Variants in ITCH observed in about 807,000 individuals in gnomAD.
The protein encoded by ITCH is itchy E3 ubiquitin protein ligase, also known as E3 ubiquitin-protein ligase Itchy homolog.
A neutral mutation model predicts 126.8 loss-of-function variants in ITCH; 28 were observed. The observed-to-expected ratio is 0.22, with a 90% confidence interval of 0.16 to 0.30. The LOEUF is 0.30. Among genes scored for constraint, ITCH ranks in the 10% least tolerant of loss-of-function variants. The probability of loss-of-function intolerance (pLI) is 1.00; values close to 1 mark genes in which losing one functional copy is unlikely to be tolerated. For missense variants in ITCH, 631 were observed against 1,032.4 expected (o/e 0.61, Z 5.33); for synonymous variants, 342 against 340.0 (o/e 1.01, Z -0.06).
chr20:34,381,065 G>C (rs184445867), intron 2 of ITCH, among the ~76,000 whole-genome samples: 2 of 151,932 alleles, frequency 1.3e-5, no homozygotes, highest in Non-Finnish European at 2.9e-5. Flanking sequence ...TGGGATTACC[G>C]GTGTGAGCCA....
chr20:34,392,742 TC>T (rs2038529530), intron 2 of ITCH, among the ~76,000 whole-genome samples: 1 of 152,140 alleles, frequency 6.6e-6, no homozygotes, highest in Non-Finnish European at 1.5e-5. Context: ...GGTAGGGTCT[TC>T]CTCTGTTGCC....
At chr20:34,478,825 G>T (rs1988464812) in intron 17 of ITCH, among the ~76,000 whole-genome samples, 1 of 152,024 alleles carries the variant, frequency 6.6e-6, no homozygotes, top group African/African-American at 2.4e-5. Context: ...ATGTAATTTT[G>T]TATAAGTTAA....
chr20:34,425,055 C>T (rs1057239757), intron 7 of ITCH, among the ~76,000 whole-genome samples: 5 of 152,166 alleles, frequency 3.3e-5, no homozygotes, highest in Non-Finnish European at 4.4e-5. Flanking sequence ...AAAAGGAAGA[C>T]GTAAGAAACT....
intron 7 of ITCH, among the ~76,000 whole-genome samples, chr20:34,427,536 A>G (rs1226595209): frequency 6.6e-6 from 1 of 152,188 alleles, no homozygotes; most frequent in Non-Finnish European, 1.5e-5. Context: ...TGGGAGGATC[A>G]CTTGAGCTGG....
At chr20:34,465,231 T>C (rs965675819) in intron 14 of ITCH, among the ~76,000 whole-genome samples, 17 of 152,182 alleles carry the variant, frequency 1.1e-4, no homozygotes, top group Non-Finnish European at 2.1e-4. Flanking sequence ...ATTTCTGGGC[T>C]GTTTATTCTG....
intron 6 of ITCH, among the ~76,000 whole-genome samples, chr20:34,418,132 A>G (rs1330081011): frequency 6.6e-6 from 1 of 151,386 alleles, no homozygotes; most frequent in African/African-American, 2.4e-5. Context: ...ACACCCAGCT[A>G]ATTTTTGTAT....
intron 7 of ITCH, among the ~76,000 whole-genome samples, chr20:34,434,873 T>G (rs1419108987): frequency 6.6e-6 from 1 of 152,228 alleles, no homozygotes; most frequent in South Asian, 2.1e-4. Context: ...CAATGTTGGC[T>G]TGGTCTCTTT....
chr20:34,444,055 A>G (rs908265658), intron 10 of ITCH, among the ~76,000 whole-genome samples: 3 of 152,186 alleles, frequency 2.0e-5, no homozygotes, highest in African/African-American at 7.2e-5. Context: ...AATTTATCCT[A>G]AAGAAACAAT....
intron 5 of ITCH, among the ~76,000 whole-genome samples, chr20:34,413,420 A>G (rs769091265): frequency 2.2e-4 from 34 of 152,192 alleles, no homozygotes; most frequent in Non-Finnish European, 4.6e-4. Flanking sequence ...TAATTCAGGT[A>G]TATATTACTA....
At chr20:34,378,511 A>G (rs1346855184) in intron 2 of ITCH, among the ~76,000 whole-genome samples, 3 of 151,504 alleles carry the variant, frequency 2.0e-5, no homozygotes, top group Non-Finnish European at 4.4e-5. Flanking sequence ...AAAAAAAAAA[A>G]AGAATATCTG....
At chr20:34,504,852 CAT>C (rs1990518747) in intron 24 of ITCH, among the ~76,000 whole-genome samples, 2 of 152,284 alleles carry the variant, frequency 1.3e-5, no homozygotes, top group African/African-American at 4.8e-5. Context: ...TTAGTGGTCA[CAT>C]ATGGTCCTTC....
Position 34,398,041 on chromosome 20 carries a change from A to G in ITCH, c.70+4160A>G, listed in dbSNP as rs577181023. 5.1e-4 allele frequency among the ~76,000 whole-genome samples: 78 copies of G among 151,894 alleles called. 1 individual carries two copies. Among genetic ancestry groups the G allele is most frequent in the African/African-American group, 1.9e-3 (77 of 41,416 alleles). On this transcript the variant is annotated intron_variant, in intron 3 of 24. Transcript: ENST00000374864. ...ATGATAAACACTAATTGCACCTCAA[A>G]AAGTCGTAATCCATAGCCATCTCAG...
chr20:34,460,033 A>C (rs929851213), intron 13 of ITCH, among the ~76,000 whole-genome samples: 1 of 152,228 alleles, frequency 6.6e-6, no homozygotes, highest in African/African-American at 2.4e-5. Context: ...TTAACAACAC[A>C]GATGACCTAG....
chr20:34,421,025 TAATCCATCTGAGGATTG>T (rs1343019336), intron 6 of ITCH, among the ~76,000 whole-genome samples: 1 of 152,330 alleles, frequency 6.6e-6, no homozygotes. Context: ...CAAGGCTTTC[TAATCCATCTGAGGATTG>T]AAAATGGCCC....
chr20:34,493,501 A>G (rs1989656829), intron 23 of ITCH, among the ~76,000 whole-genome samples: 1 of 152,202 alleles, frequency 6.6e-6, no homozygotes, highest in South Asian at 2.1e-4. Flanking sequence ...TGATCTCAGG[A>G]GATGAAAGTA....
At chr20:34,491,998 G>C (rs947702789) in intron 22 of ITCH, among the ~76,000 whole-genome samples, 27 of 152,180 alleles carry the variant, frequency 1.8e-4, no homozygotes, top group African/African-American at 6.5e-4. Context: ...TCTGGGGCTG[G>C]GGGGTGGTGG....
At chr20:34,499,237 G>GTGC (rs551100512) in intron 23 of ITCH, among the ~76,000 whole-genome samples, 1,342 of 130,848 alleles carry the variant, frequency 0.01, 22 homozygotes, top group African/African-American at 0.035. Context: ...GACTCCCAAA[G>GTGC]TGCTGGGATT....
intron 3 of ITCH, among the ~76,000 whole-genome samples, chr20:34,406,448 T>C (rs780189899): frequency 8.5e-5 from 13 of 152,138 alleles, no homozygotes; most frequent in African/African-American, 1.9e-4. Context: ...GTATTTGATA[T>C]ATGTAAAGTC....
intron 24 of ITCH, among the ~76,000 whole-genome samples, chr20:34,507,286 TTTTGGTTG>T (rs1177160902): frequency 9.9e-5 from 10 of 101,356 alleles, no homozygotes; most frequent in African/African-American, 2.9e-4. Flanking sequence ...TTTTTTTTTT[TTTTGGTTG>T]TTGTTGTTGT....
Sources: allele counts gnomAD v4.1 joint callset (sites outside exome capture counted in the v4.1 genomes callset), GRCh38; gene constraint gnomAD v4.1.1; transcripts MANE v1.5; gene names NCBI Gene and HGNC (gene_info 2026-07-23, HGNC 2026-07-21).